The following C10orf71 variants were observed in gnomAD, a reference collection of about 807,000 sequenced individuals.
C10orf71 encodes cardiac-enriched FHL2-interacting protein.
For missense variants in C10orf71, 1,869 were observed against 1,804.5 expected (o/e 1.04, Z -0.65); for synonymous variants, 758 against 726.3 (o/e 1.04, Z -0.70).
In C10orf71 at chr10:49,325,669, G is replaced by T. The variant is rs1460299701; in HGVS notation, c.3124G>T (p.Gly1042Trp). Residue 1042 changes from glycine (G) to tryptophan (W), a missense_variant, in exon 3 of 3, where the codon GGG (glycine) becomes TGG (tryptophan). Coordinates refer to ENST00000374144, the MANE Select transcript of C10orf71 (RefSeq NM_001135196.2). ...KSHFLSTPRA[G>W]PPGRRLVPSE... ...TCACTTTTTGTCCACACCCAGAGCAGGGCCCCCTGGCAGAAGACTGGTCCC... is the reference window on the plus strand; with the variant it reads ...TCACTTTTTGTCCACACCCAGAGCATGGCCCCCTGGCAGAAGACTGGTCCC... 3 of 1,552,096 alleles carry T rather than the reference G, an allele frequency of 1.9e-6. No individual in the cohort carries two copies. The highest frequency in any genetic ancestry group is 1.7e-4 in the Middle Eastern group (1 of 5,992).
chr10:49,312,982 C>T (rs1249199946), intron 1 of C10orf71, among the ~76,000 whole-genome samples: 1 of 152,196 alleles, frequency 6.6e-6, no homozygotes, highest in Admixed American at 6.5e-5. Context: ...AGGGTTTTCT[C>T]ATTTATTTAA....
At chr10:49,313,041 A>C (rs1244955433) in intron 1 of C10orf71, among the ~76,000 whole-genome samples, 1 of 152,196 alleles carries the variant, frequency 6.6e-6, no homozygotes, top group Admixed American at 6.5e-5. Flanking sequence ...AGAAACAGAC[A>C]TGGACCCCGC....
At position 49,325,582 on chromosome 10, in the gene C10orf71, G is replaced by A; in HGVS notation, c.3037G>A (p.Asp1013Asn). 1 of 1,550,900 alleles carries A rather than the reference G, an allele frequency of 6.4e-7. No homozygotes were observed. Among genetic ancestry groups the A allele is most frequent in the Non-Finnish European group, 8.7e-7 (1 of 1,146,194 alleles). Residue 1013 changes from aspartate (D) to asparagine (N), a missense_variant, in exon 3 of 3, where the codon GAC becomes AAC. Asp to Asn is a conservative substitution (Grantham distance 23). Transcript: ENST00000374144. ...TIALPEGDIE[D>N]QPPPWQPENC... ...TGCTTTACCCGAGGGTGACATAGAA[G>A]ACCAGCCACCCCCATGGCAGCCCGA...
chr10:49,324,610 C>T lies in C10orf71; in HGVS notation c.2065C>T (p.Gln689Ter). 6.2e-7 allele frequency: 1 copy of T among 1,613,912 alleles called. No individual in the cohort carries two copies. Among genetic ancestry groups the T allele is most frequent in the Non-Finnish European group, 8.5e-7 (1 of 1,179,848 alleles). Residue 689 changes from glutamine (Q) to a stop codon, truncating the protein, a stop_gained, in exon 3 of 3, where the codon CAG (glutamine) becomes TAG (stop). Transcript: ENST00000374144. LOFTEE classifies it low-confidence loss of function (END_TRUNC). ...ETEPEREAGL[Q>*]NTHLNQKFFP... ...AGAACCTGAGAGGGAAGCAGGACTT[C>T]AGAACACACATTTGAACCAGAAATT...
Position 49,310,805 on chromosome 10 carries a change from A to G in C10orf71, c.-247-5340A>G, listed in dbSNP as rs75570638. Among the ~76,000 whole-genome samples the G allele has an allele frequency of 3.4e-3, 248 of 72,446 alleles. 1 individual carries two copies. Among genetic ancestry groups the G allele is most frequent in the East Asian group, 0.014 (30 of 2,186 alleles). The allele number at this position is 72,446 out of a possible 152,430, so 47.5% of individuals were successfully genotyped here. On this transcript the variant is annotated intron_variant, in intron 1 of 2. Coordinates refer to ENST00000374144, the MANE Select transcript of C10orf71 (RefSeq NM_001135196.2). ...GATGATGATGATGATGATGATGGTG[A>G]TGATGATGATGATGAAGAAGAAGAA...
At position 49,326,406 on chromosome 10, in the gene C10orf71, C is replaced by T. The variant is rs1225667841; in HGVS notation, c.3861C>T (p.Val1287=). The T allele has an allele frequency of 6.4e-7, 1 of 1,550,546 alleles. No homozygotes were observed. Among genetic ancestry groups the T allele is most frequent in the South Asian group, 1.2e-5 (1 of 84,056 alleles). Residue 1287 remains valine, a synonymous_variant, in exon 3 of 3, where the codon GTC becomes GTT. Transcript: ENST00000374144. ...LQDPQSGEYF[V]FDLPLQVKIK... is the part of the protein sequence containing the mutation. ...ATCCGCAGTCCGGGGAGTACTTTGT[C>T]TTCGACTTGCCACTCCAGGTGAAAA...
Position 49,325,689 on chromosome 10 carries a change from G to A in C10orf71, c.3144G>A (p.Leu1048=). Residue 1048 remains leucine (L), a synonymous_variant, in exon 3 of 3, where the codon CTG becomes CTA. Transcript: ENST00000374144. ...GAGCAGGGCCCCCTGGCAGAAGACT[G>A]GTCCCCAGTGAGAGGGCGAATTCCC... ...TPRAGPPGRR[L]VPSERANSPN... The A allele has an allele frequency of 6.4e-7, 1 of 1,551,930 alleles. No individual in the cohort carries two copies. The highest frequency in any genetic ancestry group is 1.2e-5 in the South Asian group (1 of 84,068).
In C10orf71 at chr10:49,322,578, G is replaced by A. The variant is rs370127754; in HGVS notation, c.33G>A (p.Ala11=). 28 of 1,611,836 alleles carry A rather than the reference G, an allele frequency of 1.7e-5. No homozygotes were observed. Among genetic ancestry groups the A allele is most frequent in the Admixed American group, 1.0e-4 (6 of 59,716 alleles). The change falls in exon 3 of 3, where the codon GCG becomes GCA. Residue 11 remains alanine (A), a synonymous_variant. Coordinates refer to ENST00000374144, the MANE Select transcript of C10orf71 (RefSeq NM_001135196.2). Reference sequence around the variant, plus strand: ...AAGGAAATAAGAAGTGCACAGACGCGTTCAGCGACTCCTCCAGCATCGGCA... The same window carrying A: ...AAGGAAATAAGAAGTGCACAGACGCATTCAGCGACTCCTCCAGCATCGGCA... MMQGNKKCTD[A]FSDSSSIGSV... is the part of the protein sequence containing the mutation.
Position 49,327,116 on chromosome 10 carries a change from C to T in C10orf71, c.*263C>T. 3.2e-6 allele frequency: 4 copies of T among 1,237,586 alleles called. No individual in the cohort carries two copies. The African/African-American group carries it at 4.5e-5, about 14-fold the overall frequency. The allele number at this position is 1,237,586 out of a possible 1,614,324, so 76.7% of individuals were successfully genotyped here. ...TCCCCTCCGTGCCAGTTCCCAGGCG[C>T]ACTCTACTCCAGCCCTTCTCCCTCC... On this transcript the variant is annotated 3_prime_UTR_variant, in exon 3 of 3. Transcript: ENST00000374144.
At position 49,300,551 on chromosome 10, in the gene C10orf71, T is replaced by C. The variant is rs1392240902; in HGVS notation, c.-248+1318T>C. ...TCAGGACCAGTGGCTGGCTGGCTCC[T>C]GAGCCTCCTGCACCTTCCAGGGCCC... On this transcript the variant is annotated intron_variant, in intron 1 of 2. Transcript: ENST00000374144. Among the ~76,000 whole-genome samples, 15 of 151,694 alleles carry C rather than the reference T, an allele frequency of 9.9e-5. No individual in the cohort carries two copies. The East Asian group carries it at 2.7e-3, about 28-fold the overall frequency.
rs571374084 is a variant in C10orf71 at position 49,309,415 on chromosome 10, C to T, written c.-247-6730C>T. Among the ~76,000 whole-genome samples, 4 of 152,314 alleles carry T rather than the reference C, an allele frequency of 2.6e-5. No homozygotes were observed. In the South Asian group the frequency reaches 8.3e-4, roughly 32 times the overall value. On this transcript the variant is annotated intron_variant, in intron 1 of 2. Coordinates refer to ENST00000374144, the MANE Select transcript of C10orf71 (RefSeq NM_001135196.2). ...AATACAACAAGCAAGTGTCCATTTA[C>T]AATCCAGGAAGAGGGCCCTCACCAG...
intron 1 of C10orf71, among the ~76,000 whole-genome samples, chr10:49,315,917 A>G (rs933183040): frequency 6.6e-6 from 1 of 152,192 alleles, no homozygotes; most frequent in Non-Finnish European, 1.5e-5. Flanking sequence ...TTAGCTGGGC[A>G]TAGTGGTGCA....
intron 1 of C10orf71, among the ~76,000 whole-genome samples, chr10:49,306,479 C>T (rs561921792): frequency 6.6e-6 from 1 of 152,322 alleles, no homozygotes; most frequent in East Asian, 1.9e-4. Context: ...CCTGCCATTT[C>T]CAGAATCCAG....
In C10orf71 at chr10:49,324,882, G is replaced by A. The variant is rs573833818; in HGVS notation, c.2337G>A (p.Leu779=). ...AGAATGTGATGCGGAAGGATGAGCTGCAGTACTGTGCCTTAAGCAATGGGC... is the reference window on the plus strand; with the variant it reads ...AGAATGTGATGCGGAAGGATGAGCTACAGTACTGTGCCTTAAGCAATGGGC... ...EKENVMRKDE[L]QYCALSNGHA... Residue 779 remains leucine (L), a synonymous_variant, in exon 3 of 3, where the codon CTG becomes CTA. Coordinates refer to ENST00000374144, the MANE Select transcript of C10orf71 (RefSeq NM_001135196.2). The A allele has an allele frequency of 1.1e-5, 17 of 1,551,622 alleles. 1 individual carries two copies. The South Asian group carries it at 1.9e-4, about 17-fold the overall frequency.
Position 49,325,714 on chromosome 10 carries a change from C to G in C10orf71, c.3169C>G (p.Pro1057Ala), listed in dbSNP as rs763007049. 1.9e-6 allele frequency: 3 copies of G among 1,551,686 alleles called. No homozygotes were observed. Among genetic ancestry groups the G allele is most frequent in the Non-Finnish European group, 2.6e-6 (3 of 1,146,950 alleles). The change falls in exon 3 of 3, where the codon CCC (proline) becomes GCC (alanine). Residue 1057 changes from proline (P) to alanine (A), a missense_variant. Transcript: ENST00000374144. ...GGTCCCCAGTGAGAGGGCGAATTCCCCCAACCCCGGCTCCCCCGGGGAGAG... is the reference window on the plus strand; with the variant it reads ...GGTCCCCAGTGAGAGGGCGAATTCCGCCAACCCCGGCTCCCCCGGGGAGAG... ...RLVPSERANS[P>A]NPGSPGESSA... is the part of the protein sequence containing the mutation.
chr10:49,297,634 G>A (rs185328408), upstream of C10orf71, among the ~76,000 whole-genome samples: 56 of 152,326 alleles, frequency 3.7e-4, no homozygotes, highest in Admixed American at 1.4e-3. Context: ...GAATCCCACA[G>A]AGCACAGGCA....
intron 2 of C10orf71, among the ~76,000 whole-genome samples, chr10:49,319,731 TATAC>T (rs1554859397): frequency 2.5e-5 from 3 of 119,126 alleles, no homozygotes; most frequent in Non-Finnish European, 3.4e-5. Context: ...TATATATATA[TATAC>T]ACATACATAT....
At chr10:49,313,542 G>C (rs1159599541) in intron 1 of C10orf71, among the ~76,000 whole-genome samples, 1 of 152,204 alleles carries the variant, frequency 6.6e-6, no homozygotes, top group Non-Finnish European at 1.5e-5. Flanking sequence ...TCTTGGTGCA[G>C]GGCAGGAATG....
intron 1 of C10orf71, among the ~76,000 whole-genome samples, chr10:49,299,767 A>T (rs986758921): frequency 2.6e-5 from 4 of 152,144 alleles, no homozygotes; most frequent in Non-Finnish European, 2.9e-5. Flanking sequence ...TGCGCTGTCA[A>T]ATGGGTGACC....
Sources: gnomAD v4.1 joint callset for allele counts (sites outside exome capture counted in the v4.1 genomes callset) on GRCh38, gnomAD v4.1.1 for gene constraint, MANE v1.5 for transcripts, NCBI Gene and HGNC (gene_info 2026-07-23, HGNC 2026-07-21) for gene names.